ADSS1: variants seen among roughly 807,000 people sequenced by gnomAD.
ADSS1 encodes the protein adenylosuccinate synthetase isozyme 1.
A neutral mutation model predicts 59.1 loss-of-function variants in ADSS1; 57 were observed. The ratio of observed to expected loss-of-function variants is 0.97; its 90% CI spans 0.78 to 1.20. The LOEUF is 1.20. Ranked by LOEUF, ADSS1 falls within the 50% of genes most tolerant of loss-of-function variation. ADSS1 has a pLI of 0.00. For missense variants in ADSS1, 603 were observed against 610.3 expected, an observed-to-expected ratio of 0.99 and a Z score of 0.13; for synonymous variants, 247 against 249.4, an observed-to-expected ratio of 0.99 and a Z score of 0.09.
intron 1 of ADSS1, among the ~76,000 whole-genome samples, chr14:104,728,528 A>T (rs1890784877): frequency 6.6e-6 from 1 of 152,154 alleles, no homozygotes; most frequent in Non-Finnish European, 1.5e-5. Flanking sequence ...CTGCAAGCAG[A>T]GCCCAGAAGG....
intron 1 of ADSS1, among the ~76,000 whole-genome samples, chr14:104,729,080 T>C (rs955772201): frequency 2.6e-5 from 4 of 152,058 alleles, no homozygotes; most frequent in African/African-American, 9.7e-5. Flanking sequence ...CAGGTAGGGC[T>C]GACGATGGGG....
rs1405136140 is a variant in ADSS1, at chr14:104,740,596, T to C, written c.477-5T>C. 1 of 1,613,132 alleles carries C rather than the reference T, an allele frequency of 6.2e-7. No individual in the cohort carries two copies. The highest frequency in any genetic ancestry group is 8.5e-7 in the Non-Finnish European group (1 of 1,179,836). On this transcript the variant is annotated splice_region_variant and splice_polypyrimidine_tract_variant and intron_variant, in intron 5 of 12. Coordinates refer to ENST00000330877, the MANE Select transcript of ADSS1 (RefSeq NM_152328.5). The surrounding 1 kb of genome is among the most constrained non-coding windows in gnomAD (Gnocchi z 4.8). ...TCTCATGGGTACCCACTCCCCATCT[T>C]TCAGTATAGGCACCACCAAGAAGGG...
Position 104,747,008 on chromosome 14 carries a change from A to T in ADSS1, c.*5A>T. On this transcript the variant is annotated 3_prime_UTR_variant, in exon 13 of 13. Transcript: ENST00000330877. Reference sequence around the variant, plus strand: ...TCGATGATCCAGCTGTTTTAGTCACAGACTGAGCTGATCCCAACAGGCCCT... The same window carrying T: ...TCGATGATCCAGCTGTTTTAGTCACTGACTGAGCTGATCCCAACAGGCCCT... 1 of 1,613,588 alleles carries T rather than the reference A, an allele frequency of 6.2e-7. No homozygotes were observed. The highest frequency in any genetic ancestry group is 1.1e-5 in the South Asian group (1 of 91,042).
At chr14:104,724,545 C>T (rs1483189243) in intron 1 of ADSS1, 83 bp downstream of exon 1, 3 of 1,226,716 alleles carry the variant, frequency 2.4e-6, no homozygotes, top group Non-Finnish European at 3.0e-6. Context: ...TCCTCCCATG[C>T]CCTGGCCGGT....
chr14:104,724,532 C>T, intron 1 of ADSS1, 70 bp downstream of exon 1: 1 of 1,228,448 alleles, frequency 8.1e-7, no homozygotes, highest in Non-Finnish European at 1.0e-6. Flanking sequence ...CAGACGGCCC[C>T]TGTCCTCCCA....
Position 104,724,363 on chromosome 14 carries a change from C to T in ADSS1, c.93C>T (p.Ser31=). The T allele has an allele frequency of 8.0e-7, 1 of 1,249,748 alleles. No individual in the cohort carries two copies. 77.4% of individuals were successfully genotyped at this position (1,249,748 alleles called of 1,614,324 possible). A position where few individuals can be genotyped will look rare whatever the true frequency, so the allele number is the denominator to read the frequency against. ...AGCAGGAGGCGGCGGCGACCGGCTC[C>T]CGCGTGACGGTGGTGCTGGGCGCGC... ...RLQQEAAATG[S]RVTVVLGAQW... Residue 31 remains serine (S), a synonymous_variant, in exon 1 of 13, where the codon TCC becomes TCT. Coordinates refer to ENST00000330877, the MANE Select transcript of ADSS1 (RefSeq NM_152328.5).
In ADSS1 at chr14:104,741,884, T is replaced by C; in HGVS notation, c.830T>C (p.Val277Ala). 2 of 1,613,448 alleles carry C rather than the reference T, an allele frequency of 1.2e-6. No homozygotes were observed. The highest frequency in any genetic ancestry group is 1.7e-6 in the Non-Finnish European group (2 of 1,179,988). Residue 277 changes from valine (V) to alanine (A), a missense_variant, in exon 9 of 13, where the codon GTG becomes GCG. Coordinates refer to ENST00000330877, the MANE Select transcript of ADSS1 (RefSeq NM_152328.5). ...TTTGTGACTTCATCCAACTGCACCG[T>C]GGGCGGTGTGTGCACGGGCCTGGGC... is the stretch of plus-strand genomic sequence containing the variant. ...YPFVTSSNCTVGGVCTGLGIP... is the reference protein window; with the variant it reads ...YPFVTSSNCTAGGVCTGLGIP...
In ADSS1 at chr14:104,724,299, G is replaced by A; in HGVS notation, c.29G>A (p.Arg10Gln). ...TCGGGGACCCGAGCCTCCAACGACCGGCCCCCCGGCGCAGGCGGCGTCAAG... is the reference window on the plus strand; with the variant it reads ...TCGGGGACCCGAGCCTCCAACGACCAGCCCCCCGGCGCAGGCGGCGTCAAG... MSGTRASNDRPPGAGGVKRG... is the reference protein window; with the variant it reads MSGTRASNDQPPGAGGVKRG... Residue 10 changes from arginine to glutamine, a missense_variant, in exon 1 of 13, where the codon CGG (arginine) becomes CAG (glutamine). Transcript: ENST00000330877. The A allele has an allele frequency of 8.1e-7, 1 of 1,232,996 alleles. No homozygotes were observed. The highest frequency in any genetic ancestry group is 1.0e-6 in the Non-Finnish European group (1 of 986,496). 76.4% of individuals were successfully genotyped at this position (1,232,996 alleles called of 1,614,324 possible).
Position 104,738,399 on chromosome 14 carries a change from C to T in ADSS1, c.319C>T (p.Pro107Ser), listed in dbSNP as rs769839836. 6 of 1,613,976 alleles carry T rather than the reference C, an allele frequency of 3.7e-6. No homozygotes were observed. The highest frequency in any genetic ancestry group is 2.2e-5 in the East Asian group (1 of 44,878). The change falls in exon 3 of 13, where the codon CCA becomes TCA. Residue 107 changes from proline (P) to serine (S), a missense_variant. By Grantham distance (74) the Pro-to-Ser change is moderately conservative (BLOSUM62 -1). Coordinates refer to ENST00000330877, the MANE Select transcript of ADSS1 (RefSeq NM_152328.5). The part of the protein sequence containing the change: ...FIGNGVVIHL[P>S]GLFEEAEKNE... Reference sequence around the variant, plus strand: ...AGGCAACGGGGTGGTCATCCACTTGCCAGGCTTGTTTGAGGAAGCAGAGAA... The same window carrying T: ...AGGCAACGGGGTGGTCATCCACTTGTCAGGCTTGTTTGAGGAAGCAGAGAA...
intron 9 of ADSS1, among the ~76,000 whole-genome samples, chr14:104,742,278 G>A (rs1398033802): frequency 6.6e-6 from 1 of 152,252 alleles, no homozygotes; most frequent in Admixed American, 6.5e-5. Context: ...GAGTGTGTGA[G>A]GCCCACAGGC....
chr14:104,736,881 G>GATTATATATATATATATATATATAT (rs1254196679), intron 2 of ADSS1, among the ~76,000 whole-genome samples: 15 of 106,590 alleles, frequency 1.4e-4, no homozygotes, highest in African/African-American at 5.0e-4. Flanking sequence ...GCACCTAGCT[G>GATTATATATATATATATATATATAT]ATATATATAT....
chr14:104,745,060 C>G (rs969944957), intron 11 of ADSS1, 151 bp downstream of exon 11: 2 of 680,162 alleles, frequency 2.9e-6, no homozygotes, highest in African/African-American at 1.8e-5. Flanking sequence ...TCCATCATGG[C>G]TTTTGCCTCT....
intron 9 of ADSS1, 112 bp downstream of exon 9, chr14:104,742,114 A>G: frequency 7.1e-7 from 1 of 1,403,654 alleles, no homozygotes. Flanking sequence ...TGCCAGTGCC[A>G]TCTCCCCATC....
rs1362177163 is a variant in ADSS1, at chr14:104,735,073, C to A, written c.246C>A (p.Phe82Leu). ...TGGTGGATGGGAAAGAGTACGACTTCCACCTGCTGCCCAGCGGCATCATCA... is the reference window on the plus strand; with the variant it reads ...TGGTGGATGGGAAAGAGTACGACTTACACCTGCTGCCCAGCGGCATCATCA... The part of the protein sequence containing the change: ...TVVVDGKEYD[F>L]HLLPSGIINT... Residue 82 changes from phenylalanine (F) to leucine (L), a missense_variant, in exon 2 of 13, where the codon TTC becomes TTA. By Grantham distance (22) the Phe-to-Leu change is conservative (BLOSUM62 0). Transcript: ENST00000330877. The A allele has an allele frequency of 1.3e-5, 21 of 1,613,318 alleles. No homozygotes were observed. The highest frequency in any genetic ancestry group is 1.7e-5 in the Non-Finnish European group (20 of 1,179,646).
chr14:104,742,443 C>G (rs1891400922), intron 9 of ADSS1, among the ~76,000 whole-genome samples: 2 of 152,236 alleles, frequency 1.3e-5, no homozygotes, highest in Non-Finnish European at 2.9e-5. Flanking sequence ...GGGCTGAAAG[C>G]CAACCCCCAC....
intron 1 of ADSS1, among the ~76,000 whole-genome samples, chr14:104,733,534 G>A (rs1224347467): frequency 6.6e-6 from 1 of 152,078 alleles, no homozygotes; most frequent in African/African-American, 2.4e-5. Context: ...CCGCCATCAC[G>A]GAGGGTCCTG....
Position 104,747,009 on chromosome 14 carries a change from G to A in ADSS1, c.*6G>A, listed in dbSNP as rs1242307752. 2 of 1,613,564 alleles carry A rather than the reference G, an allele frequency of 1.2e-6. No individual in the cohort carries two copies. The highest frequency in any genetic ancestry group is 1.7e-6 in the Non-Finnish European group (2 of 1,179,552). On this transcript the variant is annotated 3_prime_UTR_variant, in exon 13 of 13. Coordinates refer to ENST00000330877, the MANE Select transcript of ADSS1 (RefSeq NM_152328.5). ...CGATGATCCAGCTGTTTTAGTCACA[G>A]ACTGAGCTGATCCCAACAGGCCCTG...
At chr14:104,739,690 A>G (rs531771346) in intron 4 of ADSS1, 60 bp from the exon 5 acceptor site, 1 of 1,577,356 alleles carries the variant, frequency 6.3e-7, no homozygotes, top group South Asian at 1.1e-5. Flanking sequence ...GTCCATGTAT[A>G]CACATCTGTC....
At chr14:104,734,750 C>G (rs904286354) in intron 1 of ADSS1, among the ~76,000 whole-genome samples, 6 of 152,202 alleles carry the variant, frequency 3.9e-5, no homozygotes, top group Non-Finnish European at 8.8e-5. Context: ...CTGCAGAGAC[C>G]TGCACCAAGC....
Sources: allele counts gnomAD v4.1 joint callset (sites outside exome capture counted in the v4.1 genomes callset), GRCh38; gene constraint gnomAD v4.1.1; non-coding constraint Gnocchi (gnomAD v3.1); transcripts MANE v1.5; gene names NCBI Gene and HGNC (gene_info 2026-07-23, HGNC 2026-07-21).